The following IL18 variants were observed in gnomAD, a reference collection of about 807,000 sequenced individuals.
IL18 encodes interleukin 18.
In IL18, 8 loss-of-function variants were observed where a neutral mutation model predicts 14.2. The observed-to-expected ratio is 0.56, with a 90% confidence interval of 0.33 to 1.01. The LOEUF (loss-of-function observed/expected upper bound fraction) is 1.01, where lower values mean the gene tolerates loss of function less well. Among genes scored for constraint, IL18 ranks in the 50% least tolerant of loss-of-function variants. The probability of loss-of-function intolerance (pLI) is 0.03; values close to 1 mark genes in which losing one functional copy is unlikely to be tolerated. For missense variants in IL18, 166 were observed against 231.1 expected (o/e 0.72, Z 1.83); for synonymous variants, 67 against 71.0 (o/e 0.94, Z 0.28).
chr11:112,155,990 A>G (rs1866524443), intron 1 of IL18, among the ~76,000 whole-genome samples: 1 of 152,214 alleles, frequency 6.6e-6, no homozygotes, highest in African/African-American at 2.4e-5. Flanking sequence ...ATTATTGCAG[A>G]GATCTTGAGA....
intron 1 of IL18, 147 bp downstream of exon 1, chr11:112,163,759 C>A (rs1392830066): frequency 6.6e-6 from 1 of 152,280 alleles, no homozygotes. Context: ...AAATTCTACT[C>A]TGACTTTGCT....
chr11:112,160,019 C>T (rs1334468221), intron 1 of IL18, among the ~76,000 whole-genome samples: 1 of 152,184 alleles, frequency 6.6e-6, no homozygotes, highest in East Asian at 1.9e-4. Flanking sequence ...TAATACATTA[C>T]TTTTCAAAAC....
chr11:112,162,353 T>G (rs1186368185), intron 1 of IL18, among the ~76,000 whole-genome samples: 1 of 150,984 alleles, frequency 6.6e-6, no homozygotes, highest in Non-Finnish European at 1.5e-5. Context: ...TTTTTTTTTT[T>G]TTTTTGAGAC....
chr11:112,156,794 C>T (rs571289177), intron 1 of IL18, among the ~76,000 whole-genome samples: 71 of 151,254 alleles, frequency 4.7e-4, no homozygotes, highest in African/African-American at 1.6e-3. Flanking sequence ...TTTAAATAAA[C>T]ATTTAAATAT....
intron 1 of IL18, among the ~76,000 whole-genome samples, chr11:112,161,768 C>T (rs756688197): frequency 6.6e-6 from 1 of 152,176 alleles, no homozygotes; most frequent in African/African-American, 2.4e-5. Flanking sequence ...CCACTGCACT[C>T]CAGCCTGGGT....
rs941315786 is a variant in IL18 at position 112,143,539 on chromosome 11, C to T, written c.*57G>A. ...TCTGGTGATCTGCCCGCCTCAGCCT[C>T]CCAAAGGGCTGGGATTACAGGCGTG... On this transcript the variant is annotated 3_prime_UTR_variant, in exon 6 of 6. Coordinates refer to ENST00000280357, the MANE Select transcript of IL18 (RefSeq NM_001562.4). 1.5e-5 allele frequency: 18 copies of T among 1,211,370 alleles called. No individual in the cohort carries two copies. The African/African-American group carries it at 2.7e-4, about 18-fold the overall frequency. The allele number at this position is 1,211,370 out of a possible 1,614,324, so 75.0% of individuals were successfully genotyped here.
At chr11:112,145,156 G>A (rs1866314206) in intron 5 of IL18, among the ~76,000 whole-genome samples, 1 of 152,204 alleles carries the variant, frequency 6.6e-6, no homozygotes, top group South Asian at 2.1e-4. Context: ...GATGGCAGAG[G>A]TCACGGGGTT....
At chr11:112,150,020 G>C in intron 4 of IL18, 52 bp downstream of exon 4, 1 of 1,496,334 alleles carries the variant, frequency 6.7e-7, no homozygotes, top group Non-Finnish European at 9.1e-7. Context: ...CAGTAAAACA[G>C]AATGGGAAGA....
intron 2 of IL18, among the ~76,000 whole-genome samples, chr11:112,154,430 G>T (rs1329886137): frequency 2.6e-5 from 4 of 151,928 alleles, no homozygotes; most frequent in Non-Finnish European, 5.9e-5. Context: ...GAAGGCTGAG[G>T]CAGGAGAATT....
chr11:112,163,018 G>T (rs1363201126), intron 1 of IL18, among the ~76,000 whole-genome samples: 2 of 152,198 alleles, frequency 1.3e-5, no homozygotes, highest in African/African-American at 4.8e-5. Context: ...GCCTGCCTGA[G>T]ATTCTAGGCA....
At position 112,148,010 on chromosome 11, in the gene IL18, T is replaced by C. The variant is rs573828135; in HGVS notation, c.360+593A>G. 2.6e-5 allele frequency among the ~76,000 whole-genome samples: 4 copies of C among 152,352 alleles called. No individual in the cohort carries two copies. The South Asian group carries it at 6.2e-4, about 24-fold the overall frequency. ...AAAAGTAGAGGCCAGAAATACTTTA[T>C]ACCTGGCTTGAAGATAATTATAGCA... On this transcript the variant is annotated intron_variant, in intron 5 of 5. Coordinates refer to ENST00000280357, the MANE Select transcript of IL18 (RefSeq NM_001562.4).
At chr11:112,158,053 C>T (rs1029317162) in intron 1 of IL18, among the ~76,000 whole-genome samples, 2 of 152,120 alleles carry the variant, frequency 1.3e-5, no homozygotes, top group East Asian at 3.9e-4. Flanking sequence ...ACGGGTTTCT[C>T]CATGGCTGGT....
chr11:112,146,912 C>T (rs964134534), intron 5 of IL18, among the ~76,000 whole-genome samples: 1 of 148,014 alleles, frequency 6.8e-6, no homozygotes, highest in Non-Finnish European at 1.5e-5. Flanking sequence ...TAAGCTTATG[C>T]CTTTGGTAAT....
intron 1 of IL18, among the ~76,000 whole-genome samples, chr11:112,155,729 T>C (rs1352950733): frequency 6.6e-6 from 1 of 152,212 alleles, no homozygotes; most frequent in African/African-American, 2.4e-5. Flanking sequence ...ATTTAAATCC[T>C]TCCATTTGCT....
At chr11:112,150,267 G>C in intron 3 of IL18, 61 bp from the exon 4 acceptor site, 1 of 1,130,422 alleles carries the variant, frequency 8.8e-7, no homozygotes, top group East Asian at 2.4e-5. Flanking sequence ...TGACAAATAA[G>C]TATGCTATAT....
At chr11:112,143,886 G>T in intron 5 of IL18, 69 bp from the exon 6 acceptor site, 1 of 1,020,610 alleles carries the variant, frequency 9.8e-7, no homozygotes, top group Non-Finnish European at 1.4e-6. Flanking sequence ...AGTTTGTTTT[G>T]AAGTATATTA....
Position 112,150,189 on chromosome 11 carries a change from A to T in IL18, c.109T>A (p.Tyr37Asn). The T allele has an allele frequency of 6.4e-7, 1 of 1,573,774 alleles. No homozygotes were observed. Among genetic ancestry groups the T allele is most frequent in the African/African-American group, 1.4e-5 (1 of 74,066 alleles). Residue 37 changes from tyrosine (Y) to asparagine (N), a missense_variant, in exon 4 of 6, where the codon TAC becomes AAC. By Grantham distance (143) the Tyr-to-Asn change is moderately radical (BLOSUM62 -2). Transcript: ENST00000280357. ...AATTTAGATTCAAGCTTGCCAAAGT[A>T]ATCTGATTCCAGGTTTTCTACAATA... ...AEDDENLESDYFGKLESKLSV... is the reference protein window; with the variant it reads ...AEDDENLESDNFGKLESKLSV...
intron 1 of IL18, among the ~76,000 whole-genome samples, chr11:112,163,098 G>A (rs1866662183): frequency 2.6e-5 from 4 of 152,134 alleles, no homozygotes; most frequent in African/African-American, 7.2e-5. Context: ...GCAAAAAGAC[G>A]AATTTCAGGA....
rs1037903976 is a variant in IL18, at chr11:112,159,409, T to C, written c.-8-4348A>G. On this transcript the variant is annotated intron_variant, in intron 1 of 5. Coordinates refer to ENST00000280357, the MANE Select transcript of IL18 (RefSeq NM_001562.4). ...GATTGGACAGAGGTCAGACAACAACTACTGAAGTAATTTTAACAATTAAGA... is the reference window on the plus strand; with the variant it reads ...GATTGGACAGAGGTCAGACAACAACCACTGAAGTAATTTTAACAATTAAGA... Among the ~76,000 whole-genome samples, 6 of 151,806 alleles carry C rather than the reference T, an allele frequency of 4.0e-5. 1 individual carries two copies. Among genetic ancestry groups the C allele is most frequent in the Non-Finnish European group, 7.4e-5 (5 of 67,946 alleles).
Sources: gnomAD v4.1 joint callset for allele counts (sites outside exome capture counted in the v4.1 genomes callset) on GRCh38, gnomAD v4.1.1 for gene constraint, MANE v1.5 for transcripts, NCBI Gene and HGNC (gene_info 2026-07-23, HGNC 2026-07-21) for gene names.